CCDC91: variants seen among roughly 807,000 people sequenced by gnomAD.
CCDC91 encodes coiled-coil domain containing 91.
CCDC91 carries 48 observed loss-of-function variants against 63.2 expected under a neutral mutation model. That is an observed-to-expected ratio of 0.76 (90% CI 0.60 to 0.97). CCDC91 has a LOEUF of 0.97. CCDC91 is among the 50% of genes least tolerant of loss of function. The probability of loss-of-function intolerance (pLI) is 0.00; values close to 1 mark genes in which losing one functional copy is unlikely to be tolerated. For synonymous variants in CCDC91, 167 were observed against 165.8 expected (o/e 1.01, Z -0.06); for missense variants, 500 against 494.6 (o/e 1.01, Z -0.10).
chr12:28,297,763 A>G (rs994787018), intron 3 of CCDC91, among the ~76,000 whole-genome samples: 6 of 151,882 alleles, frequency 4.0e-5, no homozygotes, highest in African/African-American at 1.4e-4. Flanking sequence ...ACCAAAGAAT[A>G]CTGTAAGCAC....
rs534470548 is a variant in CCDC91, at chr12:28,313,753, G to T, written c.576+6004G>T. On this transcript the variant is annotated intron_variant, in intron 6 of 12. Transcript: ENST00000536442. ...GTCCCCTTTTCCTGTTCTGTCCAGG[G>T]TGTGTAGCCTAACCAGAGGAAGAAA... Among the ~76,000 whole-genome samples, 88 of 152,086 alleles carry T rather than the reference G, an allele frequency of 5.8e-4. 1 individual carries two copies. The highest frequency in any genetic ancestry group is 3.4e-3 in the Middle Eastern group (1 of 294).
chr12:28,505,007 A>T (rs1938525008), intron 12 of CCDC91, among the ~76,000 whole-genome samples: 1 of 151,972 alleles, frequency 6.6e-6, no homozygotes, highest in South Asian at 2.1e-4. Flanking sequence ...AGTACTGAAA[A>T]TAACAATGGT....
At chr12:28,393,354 C>G (rs1312519076) in intron 8 of CCDC91, among the ~76,000 whole-genome samples, 3 of 150,636 alleles carry the variant, frequency 2.0e-5, no homozygotes, top group Non-Finnish European at 3.0e-5. Context: ...TAGAGAACTA[C>G]TTTGTATTTT....
At position 28,538,255 on chromosome 12, in the gene CCDC91, C is replaced by A. The variant is rs955283002; in HGVS notation, c.1216-10808C>A. ...ATATCTCCTAATGCTATCCCTCCCCCTTCCCCCCCCCCCACAACAGGCCCC... is the reference window on the plus strand; with the variant it reads ...ATATCTCCTAATGCTATCCCTCCCCATTCCCCCCCCCCCACAACAGGCCCC... On this transcript the variant is annotated intron_variant, in intron 12 of 12. Transcript: ENST00000536442. Among the ~76,000 whole-genome samples, 6 of 89,340 alleles carry A rather than the reference C, an allele frequency of 6.7e-5. 1 individual carries two copies. Among genetic ancestry groups the A allele is most frequent in the African/African-American group, 1.8e-4 (4 of 22,594 alleles). The allele number at this position is 89,340 out of a possible 152,430, so 58.6% of individuals were successfully genotyped here. A position where few individuals can be genotyped will look rare whatever the true frequency, so the allele number is the denominator to read the frequency against.
At chr12:28,547,901 G>C (rs1943097800) in intron 12 of CCDC91, among the ~76,000 whole-genome samples, 1 of 152,086 alleles carries the variant, frequency 6.6e-6, no homozygotes, top group Admixed American at 6.6e-5. Flanking sequence ...GGATGCAGGG[G>C]CTTGTGAGAA....
At chr12:28,330,802 T>C (rs776544022) in intron 6 of CCDC91, among the ~76,000 whole-genome samples, 13 of 152,190 alleles carry the variant, frequency 8.5e-5, no homozygotes, top group Non-Finnish European at 1.5e-4. Context: ...TACTACACTT[T>C]AGATTATTGC....
intron 8 of CCDC91, among the ~76,000 whole-genome samples, chr12:28,449,178 A>T (rs766138295): frequency 3.3e-5 from 5 of 152,098 alleles, no homozygotes; most frequent in Admixed American, 6.5e-5. Flanking sequence ...TCTTAAGTAG[A>T]CATGGACTGT....
At chr12:28,397,029 A>G (rs1257844993) in intron 8 of CCDC91, among the ~76,000 whole-genome samples, 3 of 152,162 alleles carry the variant, frequency 2.0e-5, no homozygotes, top group African/African-American at 4.8e-5. Context: ...ATCAGAGAAT[A>G]TATAAAATGA....
chr12:28,246,173 C>G (rs911375140), intron 1 of CCDC91, among the ~76,000 whole-genome samples: 4 of 152,048 alleles, frequency 2.6e-5, no homozygotes, highest in South Asian at 4.1e-4. Context: ...AAAAATAGTT[C>G]AGATAAAAGT....
chr12:28,320,293 A>G (rs1262887596), intron 6 of CCDC91, among the ~76,000 whole-genome samples: 3 of 151,904 alleles, frequency 2.0e-5, no homozygotes, highest in African/African-American at 4.8e-5. Flanking sequence ...TCTTTGCTAG[A>G]TAGTAAATTA....
chr12:28,271,290 G>C (rs2136380662), intron 3 of CCDC91, among the ~76,000 whole-genome samples: 1 of 152,016 alleles, frequency 6.6e-6, no homozygotes, highest in East Asian at 1.9e-4. Context: ...TTTGTTTTCT[G>C]ATTAATTTCT....
intron 6 of CCDC91, among the ~76,000 whole-genome samples, chr12:28,323,137 A>G (rs1350879436): frequency 6.6e-6 from 1 of 151,444 alleles, no homozygotes; most frequent in African/African-American, 2.4e-5. Context: ...TAACTCTAGT[A>G]AATTTTTTAG....
intron 7 of CCDC91, among the ~76,000 whole-genome samples, chr12:28,386,258 A>G (rs1415546357): frequency 6.6e-6 from 1 of 152,210 alleles, no homozygotes; most frequent in Admixed American, 6.5e-5. Flanking sequence ...ATTACTTACC[A>G]AGTAGCTATT....
chr12:28,443,462 TATTC>T (rs903797266), intron 8 of CCDC91, among the ~76,000 whole-genome samples: 3 of 151,760 alleles, frequency 2.0e-5, no homozygotes, highest in African/African-American at 4.8e-5. Context: ...ATTTTTTATT[TATTC>T]ATTCATTCAT....
intron 6 of CCDC91, among the ~76,000 whole-genome samples, chr12:28,320,362 G>A (rs1259281042): frequency 2.0e-5 from 3 of 151,722 alleles, no homozygotes; most frequent in South Asian, 2.1e-4. Context: ...ACATGTTTTC[G>A]ACAAGTGCTT....
At chr12:28,461,928 A>G (rs2141203) in intron 11 of CCDC91, among the ~76,000 whole-genome samples, 31,717 of 152,046 alleles carry the variant, frequency 0.21, 4,337 homozygotes, top group Non-Finnish European at 0.31. Context: ...TTCACATCTA[A>G]CATAGTGCCA....
At chr12:28,207,678 T>C (rs1473452121) in intron 1 of CCDC91, among the ~76,000 whole-genome samples, 1 of 152,186 alleles carries the variant, frequency 6.6e-6, no homozygotes, top group Non-Finnish European at 1.5e-5. Flanking sequence ...AATGGAACAT[T>C]GGTTATAAAC....
intron 1 of CCDC91, among the ~76,000 whole-genome samples, chr12:28,252,483 A>C (rs1946187638): frequency 6.6e-6 from 1 of 151,676 alleles, no homozygotes; most frequent in Non-Finnish European, 1.5e-5. Context: ...ATACTTTTTT[A>C]AAAGAAAATT....
intron 1 of CCDC91, among the ~76,000 whole-genome samples, chr12:28,242,129 G>A (rs1490336611): frequency 6.6e-6 from 1 of 151,650 alleles, no homozygotes; most frequent in Non-Finnish European, 1.5e-5. Context: ...TTTGTCTTGA[G>A]GTCTCTCAAG....
Sources: allele counts gnomAD v4.1 joint callset (sites outside exome capture counted in the v4.1 genomes callset), GRCh38; gene constraint gnomAD v4.1.1; transcripts MANE v1.5; gene names NCBI Gene and HGNC (gene_info 2026-07-23, HGNC 2026-07-21).